The following SARM1 variants were observed in gnomAD, a reference collection of about 807,000 sequenced individuals.
SARM1 encodes the protein NAD(+) hydrolase SARM1.
In SARM1, 60 loss-of-function variants were observed where a neutral mutation model predicts 65.1. The ratio of observed to expected loss-of-function variants is 0.92; its 90% CI spans 0.75 to 1.14. The LOEUF (loss-of-function observed/expected upper bound fraction) is 1.14, where lower values mean the gene tolerates loss of function less well. SARM1 is among the 50% of genes most tolerant of loss of function. The probability of loss-of-function intolerance (pLI) is 0.00; values close to 1 mark genes in which losing one functional copy is unlikely to be tolerated. For synonymous variants in SARM1, 417 were observed against 465.4 expected (o/e 0.90, Z 1.34); for missense variants, 913 against 1,015.7 (o/e 0.90, Z 1.37).
At chr17:28,375,964 G>A (rs1048015617) in intron 1 of SARM1, among the ~76,000 whole-genome samples, 2 of 152,140 alleles carry the variant, frequency 1.3e-5, no homozygotes, top group African/African-American at 2.4e-5. Flanking sequence ...AGACATGTTT[G>A]CAATATATAT....
At chr17:28,378,624 GTTTTTGTTTTTGT>G (rs2068005964) in intron 1 of SARM1, among the ~76,000 whole-genome samples, 1 of 144,204 alleles carries the variant, frequency 6.9e-6, no homozygotes, top group African/African-American at 2.9e-5. Flanking sequence ...TGGTTTTTTT[GTTTTTGTTTTTGT>G]TTTTTGTTTT....
rs2068154193 is a variant in SARM1, at chr17:28,398,162, C to T, written c.*1876C>T. On this transcript the variant is annotated 3_prime_UTR_variant, in exon 9 of 9. Transcript: ENST00000585482. ...ATAACAATACAGTGTCTGAGTATCTCCAGGGGATGATTTCTGGCTCTTTGT... is the reference window on the plus strand; with the variant it reads ...ATAACAATACAGTGTCTGAGTATCTTCAGGGGATGATTTCTGGCTCTTTGT... The T allele has an allele frequency of 6.6e-6, 1 of 152,348 alleles. No homozygotes were observed. Among genetic ancestry groups the T allele is most frequent in the South Asian group, 2.1e-4 (1 of 4,832 alleles). 9.4% of individuals were successfully genotyped at this position (152,348 alleles called of 1,614,324 possible).
chr17:28,390,126 A>C (rs181746241), intron 7 of SARM1, among the ~76,000 whole-genome samples: 2 of 152,328 alleles, frequency 1.3e-5, no homozygotes, highest in African/African-American at 4.8e-5. Flanking sequence ...TAAGATGTAC[A>C]TTGGTTTGGT....
At position 28,399,483 on chromosome 17, in the gene SARM1, T is replaced by C. The variant is rs1273304956; in HGVS notation, c.*3197T>C. The C allele has an allele frequency of 1.6e-6, 1 of 636,076 alleles. No homozygotes were observed. Among genetic ancestry groups the C allele is most frequent in the African/African-American group, 1.8e-5 (1 of 54,712 alleles). 39.4% of individuals were successfully genotyped at this position (636,076 alleles called of 1,614,324 possible). On this transcript the variant is annotated 3_prime_UTR_variant, in exon 9 of 9. Transcript: ENST00000585482. The stretch of plus-strand genomic sequence containing the variant: ...TTCTAGATCCTAGACAGAGGCTGGG[T>C]CAGCTGTGGATGGGGTGGTGCCTTG...
chr17:28,377,080 G>A (rs1183215583), intron 1 of SARM1, among the ~76,000 whole-genome samples: 5 of 152,166 alleles, frequency 3.3e-5, no homozygotes, highest in East Asian at 3.8e-4. Context: ...GTGAGCTACC[G>A]CACCTGGCCA....
chr17:28,384,494 G>T lies in SARM1; in HGVS notation c.1227G>T (p.Val409=), dbSNP rs951887551. The change falls in exon 3 of 9, where the codon GTG becomes GTT. Residue 409 remains valine (V), a synonymous_variant. Coordinates refer to ENST00000585482, the MANE Select transcript of SARM1 (RefSeq NM_015077.4). The surrounding 1 kb of genome is among the most constrained non-coding windows in gnomAD (Gnocchi z 4.4). ...EEVPRPILPS[V]PSWKEAEVQT... Reference sequence around the variant, plus strand: ...TGCCACGGCCCATCCTGCCCTCCGTGCCCAGCTGGAAGGAGGCCGAGGTTC... The same window carrying T: ...TGCCACGGCCCATCCTGCCCTCCGTTCCCAGCTGGAAGGAGGCCGAGGTTC... 1 of 1,613,684 alleles carries T rather than the reference G, an allele frequency of 6.2e-7. No individual in the cohort carries two copies. The highest frequency in any genetic ancestry group is 8.5e-7 in the Non-Finnish European group (1 of 1,179,740).
rs1437626683 is a variant in SARM1, at chr17:28,397,256, C to T, written c.*970C>T. On this transcript the variant is annotated 3_prime_UTR_variant, in exon 9 of 9. Transcript: ENST00000585482. ...GGGTTGTCACTTAGGGCAGCTTCTCCAACTTTAACATGCATCCAAGTCACC... is the reference window on the plus strand; with the variant it reads ...GGGTTGTCACTTAGGGCAGCTTCTCTAACTTTAACATGCATCCAAGTCACC... 6.6e-6 allele frequency: 1 copy of T among 152,540 alleles called. No individual in the cohort carries two copies. Among genetic ancestry groups the T allele is most frequent in the East Asian group, 1.9e-4 (1 of 5,204 alleles). 9.4% of individuals were successfully genotyped at this position (152,540 alleles called of 1,614,324 possible). A position where few individuals can be genotyped will look rare whatever the true frequency, so the allele number is the denominator to read the frequency against.
chr17:28,374,566 AC>A (rs1195794009), intron 1 of SARM1, among the ~76,000 whole-genome samples: 1 of 152,062 alleles, frequency 6.6e-6, no homozygotes, highest in Admixed American at 6.6e-5. Context: ...GGGTCCCTGC[AC>A]CCCTTGTAGG....
intron 7 of SARM1, among the ~76,000 whole-genome samples, chr17:28,392,606 T>C (rs9894260): frequency 0.88 from 134,166 of 152,204 alleles, 59,339 homozygotes; most frequent in Middle Eastern, 0.93. Context: ...ACTTGGACTC[T>C]CGAGGCTTGA....
chr17:28,390,687 A>AG (rs1555586741), intron 7 of SARM1, among the ~76,000 whole-genome samples: 3 of 152,156 alleles, frequency 2.0e-5, no homozygotes, highest in African/African-American at 7.2e-5. Context: ...ATAAAAAAAA[A>AG]AAAAATCAGA....
intron 1 of SARM1, among the ~76,000 whole-genome samples, chr17:28,377,676 G>A (rs1353615193): frequency 6.6e-6 from 1 of 152,144 alleles, no homozygotes; most frequent in Admixed American, 6.5e-5. Flanking sequence ...CTACCTCTTT[G>A]GCAGTAATGT....
intron 1 of SARM1, among the ~76,000 whole-genome samples, chr17:28,377,475 A>G (rs782572399): frequency 3.9e-5 from 6 of 152,230 alleles, no homozygotes; most frequent in Non-Finnish European, 8.8e-5. Flanking sequence ...ATGGTGGTAC[A>G]TGCCTGTAGT....
rs782322266 is a variant in SARM1 at position 28,372,092 on chromosome 17, C to A, written c.60C>A (p.Gly20=). 6.7e-7 allele frequency: 1 copy of A among 1,491,464 alleles called. No individual in the cohort carries two copies. Among genetic ancestry groups the A allele is most frequent in the African/African-American group, 1.5e-5 (1 of 68,932 alleles). 92.4% of individuals were successfully genotyped at this position (1,491,464 alleles called of 1,614,324 possible). A position where few individuals can be genotyped will look rare whatever the true frequency, so the allele number is the denominator to read the frequency against. The change falls in exon 1 of 9, where the codon GGC becomes GGA. Residue 20 remains glycine, a synonymous_variant. Transcript: ENST00000585482. The surrounding 1 kb of genome is among the most constrained non-coding windows in gnomAD (Gnocchi z 5.2). The stretch of plus-strand genomic sequence containing the variant: ...TGTGTCGCTTCTTCGCCATGTCGGG[C>A]CCACGGCCGGGCGCCGAGCGGCTGG... ...YKLCRFFAMS[G]PRPGAERLAV... is the part of the protein sequence containing the mutation.
intron 1 of SARM1, 26 bp from the exon 2 acceptor site, chr17:28,381,177 T>G (rs1050807391): frequency 2.6e-6 from 4 of 1,561,104 alleles, no homozygotes; most frequent in Non-Finnish European, 3.5e-6. Flanking sequence ...GCAATTCCAC[T>G]GTCCCCTTCC....
chr17:28,385,572 T>G lies in SARM1; in HGVS notation c.1630+297T>G. The G allele has an allele frequency of 2.2e-6, 1 of 457,072 alleles. No homozygotes were observed. 28.3% of individuals were successfully genotyped at this position (457,072 alleles called of 1,614,324 possible). A position where few individuals can be genotyped will look rare whatever the true frequency, so the allele number is the denominator to read the frequency against. Reference sequence around the variant, plus strand: ...CACAGAGGAAGCCCAGCCCACCCCATCCACCCAGGTCTAGATTTCAGAGAG... The same window carrying G: ...CACAGAGGAAGCCCAGCCCACCCCAGCCACCCAGGTCTAGATTTCAGAGAG... On this transcript the variant is annotated intron_variant, in intron 5 of 8. Transcript: ENST00000585482. This position sits in a 1 kb window ranked among gnomAD's most constrained non-coding sequence, Gnocchi z 4.5.
At position 28,372,118 on chromosome 17, in the gene SARM1, C is replaced by T. The variant is rs1409753403; in HGVS notation, c.86C>T (p.Ala29Val). The change falls in exon 1 of 9, where the codon GCG becomes GTG. Residue 29 changes from alanine (A) to valine (V), a missense_variant. Coordinates refer to ENST00000585482, the MANE Select transcript of SARM1 (RefSeq NM_015077.4). The surrounding 1 kb of genome is among the most constrained non-coding windows in gnomAD (Gnocchi z 5.2). ...CCACGGCCGGGCGCCGAGCGGCTGGCGGTGCCTGGGCCAGATGGGGGCGGT... is the reference window on the plus strand; with the variant it reads ...CCACGGCCGGGCGCCGAGCGGCTGGTGGTGCCTGGGCCAGATGGGGGCGGT... ...SGPRPGAERL[A>V]VPGPDGGGGT... 6.8e-7 allele frequency: 1 copy of T among 1,469,720 alleles called. No individual in the cohort carries two copies. Among genetic ancestry groups the T allele is most frequent in the East Asian group, 3.0e-5 (1 of 33,804 alleles). 91.0% of individuals were successfully genotyped at this position (1,469,720 alleles called of 1,614,324 possible). A position where few individuals can be genotyped will look rare whatever the true frequency, so the allele number is the denominator to read the frequency against.
intron 7 of SARM1, among the ~76,000 whole-genome samples, chr17:28,389,196 C>T (rs530078373): frequency 6.6e-6 from 1 of 152,134 alleles, no homozygotes; most frequent in Non-Finnish European, 1.5e-5. Context: ...GGGCAAGTTA[C>T]TTAACCCCGA....
rs1555589740 is a variant in SARM1, at chr17:28,402,158, C to T, written c.*5872C>T. On this transcript the variant is annotated 3_prime_UTR_variant, in exon 9 of 9. Transcript: ENST00000585482. ...GAGAGGGGGGAAGGCAAGCTGTTCC[C>T]CCAGCCATGGCTGCCCATCAGCCCG... 4 of 1,265,414 alleles carry T rather than the reference C, an allele frequency of 3.2e-6. No individual in the cohort carries two copies. Among genetic ancestry groups the T allele is most frequent in the Non-Finnish European group, 3.3e-6 (3 of 910,192 alleles). The allele number at this position is 1,265,414 out of a possible 1,614,324, so 78.4% of individuals were successfully genotyped here.
chr17:28,379,299 C>CTTTTT lies in SARM1; in HGVS notation c.471-1879_471-1875dup, dbSNP rs1193480505. 4.0e-4 allele frequency among the ~76,000 whole-genome samples: 31 copies of CTTTTT among 78,378 alleles called. 2 individuals carry two copies. Among genetic ancestry groups the CTTTTT allele is most frequent in the African/African-American group, 9.4e-4 (17 of 18,162 alleles). 51.4% of individuals were successfully genotyped at this position (78,378 alleles called of 152,430 possible). On this transcript the variant is annotated intron_variant, in intron 1 of 8. Transcript: ENST00000585482. ...AAAGGGTAATTTTCTCCATTTAGATCTTTTTTTTTTTTTTTTTTTTTTTTT... is the reference window on the plus strand; with the variant it reads ...AAAGGGTAATTTTCTCCATTTAGATCTTTTTTTTTTTTTTTTTTTTTTTTTTTTTT...
Sources: gnomAD v4.1 joint callset for allele counts (sites outside exome capture counted in the v4.1 genomes callset) on GRCh38, gnomAD v4.1.1 for gene constraint, Gnocchi (gnomAD v3.1) non-coding constraint, MANE v1.5 for transcripts, NCBI Gene and HGNC (gene_info 2026-07-23, HGNC 2026-07-21) for gene names.